Variants in CASQ2 observed in about 807,000 individuals in gnomAD.
The protein encoded by CASQ2 is calsequestrin-2.
CASQ2 carries 49 observed loss-of-function variants against 46.5 expected under a neutral mutation model. That is an observed-to-expected ratio of 1.05 (90% CI 0.84 to 1.34). The LOEUF (loss-of-function observed/expected upper bound fraction) is 1.34, where lower values mean the gene tolerates loss of function less well. Among genes scored for constraint, CASQ2 ranks in the 40% most tolerant of loss-of-function variants. CASQ2 has a pLI of 0.00. For synonymous variants in CASQ2, 174 were observed against 168.5 expected, an observed-to-expected ratio of 1.03 and a Z score of -0.25; for missense variants, 486 against 481.3, an observed-to-expected ratio of 1.01 and a Z score of -0.09.
chr1:115,704,328 G>C (rs922901632), intron 9 of CASQ2, among the ~76,000 whole-genome samples: 4 of 152,190 alleles, frequency 2.6e-5, no homozygotes, highest in Non-Finnish European at 5.9e-5. Flanking sequence ...GGTAGACCAG[G>C]CTTTAGCATC....
chr1:115,768,123 C>G (rs1649193424), intron 1 of CASQ2, among the ~76,000 whole-genome samples, 185 bp downstream of exon 1: 1 of 152,098 alleles, frequency 6.6e-6, no homozygotes, highest in Admixed American at 6.5e-5. Flanking sequence ...GAGTTAGGAC[C>G]CACCCCTCAT....
In CASQ2 at chr1:115,738,256, A is replaced by T. The variant is rs121434550; in HGVS notation, c.500T>A (p.Leu167His). ...AFERIEDYIK[L>H]IGFFKSEDSE... ...GTCCTCACTCTTGAAAAAGCCAATG[A>T]GTTTGATGTAGTCTTCAATGCGTTC... The change falls in exon 4 of 11, where the codon CTC becomes CAC. Residue 167 changes from leucine (L) to histidine (H), a missense_variant. Coordinates refer to ENST00000261448, the MANE Select transcript of CASQ2 (RefSeq NM_001232.4). 6.2e-7 allele frequency: 1 copy of T among 1,612,740 alleles called. No individual in the cohort carries two copies. The highest frequency in any genetic ancestry group is 1.7e-5 in the Admixed American group (1 of 60,020).
chr1:115,724,175 T>A (rs947173420), intron 7 of CASQ2, among the ~76,000 whole-genome samples: 3 of 152,224 alleles, frequency 2.0e-5, no homozygotes, highest in Non-Finnish European at 2.9e-5. Context: ...GAACACCAGG[T>A]TTGGCTCCAG....
chr1:115,713,131 A>T (rs1379336937), intron 8 of CASQ2, among the ~76,000 whole-genome samples: 2 of 152,098 alleles, frequency 1.3e-5, no homozygotes, highest in Non-Finnish European at 2.9e-5. Context: ...CCCTTTGAGG[A>T]TATCCATCTA....
chr1:115,725,083 T>C (rs1647530927), intron 7 of CASQ2, among the ~76,000 whole-genome samples: 1 of 152,114 alleles, frequency 6.6e-6, no homozygotes, highest in Admixed American at 6.5e-5. Context: ...TTTCATTTTT[T>C]TGAAACAGTG....
At chr1:115,740,074 T>C (rs1466199503) in intron 3 of CASQ2, among the ~76,000 whole-genome samples, 4 of 152,262 alleles carry the variant, frequency 2.6e-5, no homozygotes, top group Non-Finnish European at 5.9e-5. Flanking sequence ...CACTGGGTAC[T>C]GGCTGGTAGA....
chr1:115,763,856 T>G lies in CASQ2; in HGVS notation c.234+4452A>C, dbSNP rs138930858. ...ATAGGACATGATAGGAGCAGTGGCT[T>G]GCACAGCAGTTTCAAGGAAAAAGAG... On this transcript the variant is annotated intron_variant, in intron 1 of 10. Transcript: ENST00000261448. Among the ~76,000 whole-genome samples the G allele has an allele frequency of 6.6e-3, 1,011 of 152,278 alleles. 11 individuals are homozygous for G. Among genetic ancestry groups the G allele is most frequent in the African/African-American group, 0.022 (927 of 41,552 alleles).
At chr1:115,719,170 T>G (rs1201145096) in intron 7 of CASQ2, among the ~76,000 whole-genome samples, 1 of 152,218 alleles carries the variant, frequency 6.6e-6, no homozygotes, top group Non-Finnish European at 1.5e-5. Flanking sequence ...GAAAATATTA[T>G]TATTAAAAAC....
chr1:115,725,284 T>C (rs566841819), intron 7 of CASQ2, among the ~76,000 whole-genome samples: 1 of 152,144 alleles, frequency 6.6e-6, no homozygotes, highest in East Asian at 1.9e-4. Context: ...CCCAGGCTGC[T>C]CTCAGACACC....
At chr1:115,753,953 C>T (rs1648670615) in intron 1 of CASQ2, among the ~76,000 whole-genome samples, 1 of 152,106 alleles carries the variant, frequency 6.6e-6, no homozygotes, top group African/African-American at 2.4e-5. Context: ...GTGAATGTCC[C>T]TCAGGCCAGT....
chr1:115,723,213 T>G (rs1647445090), intron 7 of CASQ2, among the ~76,000 whole-genome samples: 1 of 152,212 alleles, frequency 6.6e-6, no homozygotes, highest in Admixed American at 6.5e-5. Context: ...AGACGTATTA[T>G]ATCAGTGTTA....
At chr1:115,734,030 C>G (rs1333229903) in intron 4 of CASQ2, among the ~76,000 whole-genome samples, 1 of 152,156 alleles carries the variant, frequency 6.6e-6, no homozygotes, top group African/African-American at 2.4e-5. Context: ...GTTGTTACAA[C>G]AGAGGTGAGT....
At chr1:115,711,939 T>G (rs919235101) in intron 8 of CASQ2, among the ~76,000 whole-genome samples, 7 of 151,624 alleles carry the variant, frequency 4.6e-5, no homozygotes, top group Non-Finnish European at 8.8e-5. Context: ...GGCGTAAGGG[T>G]TTTGTTTGTT....
intron 3 of CASQ2, 29 bp from the exon 4 acceptor site, chr1:115,738,364 G>A (rs756302294): frequency 3.0e-6 from 4 of 1,311,808 alleles, no homozygotes; most frequent in Admixed American, 3.4e-5. Flanking sequence ...ATACACACAT[G>A]TTCAAACAAG....
At chr1:115,744,008 G>A (rs1349776691) in intron 2 of CASQ2, among the ~76,000 whole-genome samples, 1 of 151,958 alleles carries the variant, frequency 6.6e-6, no homozygotes, top group African/African-American at 2.4e-5. Context: ...ACTGAGCGTG[G>A]TGGCGTGTGA....
intron 1 of CASQ2, among the ~76,000 whole-genome samples, chr1:115,765,584 TA>T (rs1489997615): frequency 2.0e-5 from 3 of 152,066 alleles, no homozygotes; most frequent in African/African-American, 7.2e-5. Flanking sequence ...GAGAACAGGA[TA>T]AAAATAGAAA....
chr1:115,703,098 G>A (rs533247315), intron 9 of CASQ2, 103 bp from the exon 10 acceptor site: 4 of 893,814 alleles, frequency 4.5e-6, no homozygotes, highest in Non-Finnish European at 5.4e-6. Context: ...ATTGGTTAAA[G>A]GTCTTCAAAA....
chr1:115,742,880 C>T (rs1648239993), intron 2 of CASQ2, among the ~76,000 whole-genome samples: 1 of 151,896 alleles, frequency 6.6e-6, no homozygotes, highest in South Asian at 2.1e-4. Context: ...GCTCTGCCTC[C>T]CAGGTTCACG....
At chr1:115,765,352 G>A (rs891229554) in intron 1 of CASQ2, among the ~76,000 whole-genome samples, 3 of 152,062 alleles carry the variant, frequency 2.0e-5, no homozygotes, top group Non-Finnish European at 4.4e-5. Context: ...GCTGTTTCTG[G>A]CTTTTTTCAT....
Sources: gnomAD v4.1 joint callset for allele counts (sites outside exome capture counted in the v4.1 genomes callset) on GRCh38, gnomAD v4.1.1 for gene constraint, MANE v1.5 for transcripts, NCBI Gene and HGNC (gene_info 2026-07-23, HGNC 2026-07-21) for gene names.